DACH2: variants seen among roughly 807,000 people sequenced by gnomAD.
The protein encoded by DACH2 is dachshund family transcription factor 2.
A neutral mutation model predicts 35.8 loss-of-function variants in DACH2; 17 were observed. That is an observed-to-expected ratio of 0.48 (90% CI 0.33 to 0.71). The LOEUF (loss-of-function observed/expected upper bound fraction) is 0.71. Among genes scored for constraint, DACH2 ranks in the 30% least tolerant of loss-of-function variants. The pLI, the probability that DACH2 is intolerant of heterozygous loss-of-function variation, is 0.02. For synonymous variants in DACH2, 195 were observed against 177.3 expected (o/e 1.10, Z -0.79); for missense variants, 469 against 472.7 (o/e 0.99, Z 0.07).
intron 2 of DACH2, among the ~76,000 whole-genome samples, chrX:86,510,920 T>C (rs977551679): frequency 1.8e-5 from 2 of 111,749 alleles, no homozygotes; most frequent in African/African-American, 6.5e-5. Context: ...AGTAATTACA[T>C]GGTTATTCGT....
At chrX:86,517,824 AT>A (rs1400089882) in intron 3 of DACH2, among the ~76,000 whole-genome samples, 2 of 110,957 alleles carry the variant, frequency 1.8e-5, no homozygotes, top group Non-Finnish European at 3.8e-5. Flanking sequence ...GTTTGCAAAT[AT>A]TTTTTTTCCA....
At chrX:86,831,222 T>C (rs967100079) in intron 11 of DACH2, 1 of 111,759 alleles carries the variant, frequency 8.9e-6, no homozygotes, top group Admixed American at 9.5e-5. Flanking sequence ...CCTAATAAGC[T>C]TGACCAGATT....
At chrX:86,667,497 AAGAGAAAGAAAG>A (rs2040694696) in intron 4 of DACH2, among the ~76,000 whole-genome samples, 1 of 58,836 alleles carries the variant, frequency 1.7e-5, no homozygotes, top group African/African-American at 7.9e-5. Flanking sequence ...GAAAGAAAGA[AAGAGAAAGAAAG>A]AAAGAAAGAA....
intron 2 of DACH2, among the ~76,000 whole-genome samples, chrX:86,490,991 G>A (rs2038085541): frequency 9.0e-6 from 1 of 111,012 alleles, no homozygotes; most frequent in Non-Finnish European, 1.9e-5. Flanking sequence ...TATGAGTACA[G>A]ATTTGGAGGA....
intron 2 of DACH2, among the ~76,000 whole-genome samples, chrX:86,400,838 G>C (rs2036413013): frequency 8.9e-6 from 1 of 112,385 alleles, no homozygotes; most frequent in Non-Finnish European, 1.9e-5. Context: ...GGACCCACTT[G>C]AGGAGGCAAT....
At chrX:86,764,919 T>C (rs1392157743) in intron 7 of DACH2, among the ~76,000 whole-genome samples, 1 of 112,221 alleles carries the variant, frequency 8.9e-6, no homozygotes, top group African/African-American at 3.2e-5. Context: ...TAGTAACCAC[T>C]GTTCTTACTG....
At chrX:86,526,363 T>C (rs1203268939) in intron 3 of DACH2, among the ~76,000 whole-genome samples, 1 of 111,456 alleles carries the variant, frequency 9.0e-6, no homozygotes, top group Non-Finnish European at 1.9e-5. Flanking sequence ...TTTTAAAAAT[T>C]GATAGACAAT....
intron 6 of DACH2, among the ~76,000 whole-genome samples, chrX:86,727,271 G>T (rs771141188): frequency 5.4e-5 from 6 of 111,518 alleles, no homozygotes; most frequent in Non-Finnish European, 9.4e-5. Context: ...TAGTATAATA[G>T]ATTTAAAACA....
chrX:86,402,055 A>G (rs986507611), intron 2 of DACH2, among the ~76,000 whole-genome samples: 5 of 112,188 alleles, frequency 4.5e-5, no homozygotes, highest in African/African-American at 1.6e-4. Flanking sequence ...AGTGCCGTCT[A>G]TGACAAACCC....
chrX:86,371,506 C>A (rs781695040), intron 1 of DACH2, among the ~76,000 whole-genome samples: 18 of 111,013 alleles, frequency 1.6e-4, no homozygotes, highest in South Asian at 1.5e-3. Flanking sequence ...ATTTAACAGA[C>A]AAAGCGTTTG....
At chrX:86,549,591 T>G (rs1286845561) in intron 3 of DACH2, among the ~76,000 whole-genome samples, 1 of 110,806 alleles carries the variant, frequency 9.0e-6, no homozygotes, top group East Asian at 2.8e-4. Context: ...TAAATTTTTA[T>G]TTTTGCCTTT....
At chrX:86,786,791 T>C (rs1310726047) in intron 7 of DACH2, among the ~76,000 whole-genome samples, 1 of 112,243 alleles carries the variant, frequency 8.9e-6, no homozygotes, top group East Asian at 2.8e-4. Flanking sequence ...AATAATTTTG[T>C]TCATCATCAT....
chrX:86,787,863 T>G lies in DACH2; in HGVS notation c.1241-24993T>G, dbSNP rs746985697. Among the ~76,000 whole-genome samples, 31 of 111,381 alleles carry G rather than the reference T, an allele frequency of 2.8e-4. No homozygotes were observed. In the South Asian group the frequency reaches 0.012, roughly 42 times the overall value. ...GAATAAGGCAGAGAGAGAGGAGATA[T>G]CAAAGCAAGTTTTAGAGAAGAAGTG... On this transcript the variant is annotated intron_variant, in intron 7 of 11. Coordinates refer to ENST00000373125, the MANE Select transcript of DACH2 (RefSeq NM_053281.3).
At chrX:86,359,777 A>G (rs1274367938) in intron 1 of DACH2, among the ~76,000 whole-genome samples, 1 of 110,649 alleles carries the variant, frequency 9.0e-6, no homozygotes, top group African/African-American at 3.3e-5. Context: ...AAAAAAGAAA[A>G]CTAAGAGAAA....
intron 1 of DACH2, among the ~76,000 whole-genome samples, chrX:86,349,258 C>G (rs186769475): frequency 9.0e-6 from 1 of 111,609 alleles, no homozygotes; most frequent in Non-Finnish European, 1.9e-5. Context: ...AGGCTCTCAC[C>G]GACCACCTGG....
intron 3 of DACH2, among the ~76,000 whole-genome samples, chrX:86,579,490 A>C (rs2039476422): frequency 9.0e-6 from 1 of 110,965 alleles, no homozygotes; most frequent in South Asian, 3.8e-4. Flanking sequence ...AAAAAAATGC[A>C]CTGTGGTACA....
At chrX:86,759,542 A>G (rs1602908608) in intron 7 of DACH2, among the ~76,000 whole-genome samples, 1 of 102,719 alleles carries the variant, frequency 9.7e-6, no homozygotes, top group African/African-American at 3.5e-5. Context: ...CATAGGCAGC[A>G]TATAGTTGTT....
chrX:86,195,509 T>G (rs1045204656), intron 1 of DACH2, among the ~76,000 whole-genome samples: 4 of 111,657 alleles, frequency 3.6e-5, no homozygotes, highest in African/African-American at 9.8e-5. Context: ...ACCAGTCACA[T>G]TGCCTCTGCC....
intron 7 of DACH2, among the ~76,000 whole-genome samples, chrX:86,774,935 G>A (rs755256307): frequency 9.0e-6 from 1 of 111,240 alleles, no homozygotes; most frequent in South Asian, 3.8e-4. Flanking sequence ...ATAGAATAGG[G>A]TAAAACATAA....
Sources: gnomAD v4.1 joint callset for allele counts (sites outside exome capture counted in the v4.1 genomes callset) on GRCh38, gnomAD v4.1.1 for gene constraint, MANE v1.5 for transcripts, NCBI Gene and HGNC (gene_info 2026-07-23, HGNC 2026-07-21) for gene names.